The following BTBD9 variants were observed in gnomAD, a reference collection of about 807,000 sequenced individuals.
BTBD9 encodes BTB domain containing 9, also known as BTB/POZ domain-containing protein 9.
A neutral mutation model predicts 64.3 loss-of-function variants in BTBD9; 49 were observed. That is an observed-to-expected ratio of 0.76 (90% CI 0.61 to 0.97). BTBD9 has a LOEUF of 0.97. Among genes scored for constraint, BTBD9 ranks in the 50% least tolerant of loss-of-function variants. The pLI, the probability that BTBD9 is intolerant of heterozygous loss-of-function variation, is 0.00. For synonymous variants in BTBD9, 260 were observed against 274.7 expected (o/e 0.95, Z 0.53); for missense variants, 598 against 762.1 (o/e 0.78, Z 2.53).
chr6:38,538,394 G>A (rs1464596196), intron 6 of BTBD9, among the ~76,000 whole-genome samples: 1 of 152,110 alleles, frequency 6.6e-6, no homozygotes, highest in Admixed American at 6.5e-5. Context: ...GGGAGTGGGA[G>A]GAGTAGGAGA....
chr6:38,419,493 T>TC (rs1767811844), intron 6 of BTBD9, among the ~76,000 whole-genome samples: 1 of 152,042 alleles, frequency 6.6e-6, no homozygotes, highest in South Asian at 2.1e-4. Flanking sequence ...TTAAAATACA[T>TC]TGTGATTAAA....
chr6:38,322,896 G>A (rs1032877004), intron 7 of BTBD9, among the ~76,000 whole-genome samples: 1 of 152,092 alleles, frequency 6.6e-6, no homozygotes, highest in African/African-American at 2.4e-5. Flanking sequence ...GTTACTGTCT[G>A]ATAAATAATC....
intron 6 of BTBD9, among the ~76,000 whole-genome samples, chr6:38,374,296 T>TATATATATATATATATATATACAC (rs1491482634): frequency 1.4e-5 from 1 of 70,664 alleles, no homozygotes; most frequent in Non-Finnish European, 2.4e-5. Context: ...TATATATATA[T>TATATATATATATATATATATACAC]GTATATATAT....
rs545760758 is a variant in BTBD9, at chr6:38,484,203, C to T, written c.1154+93397G>A. ...AAGGTGAGACATAATAACTAGTGCA[C>T]AGGGAAATCAGACCTATGAAACTAG... On this transcript the variant is annotated intron_variant, in intron 6 of 10. Transcript: ENST00000481247. 2.0e-5 allele frequency among the ~76,000 whole-genome samples: 3 copies of T among 152,268 alleles called. No homozygotes were observed. In the South Asian group the frequency reaches 6.2e-4, roughly 32 times the overall value.
intron 7 of BTBD9, among the ~76,000 whole-genome samples, chr6:38,326,455 G>T (rs1232262928): frequency 6.6e-6 from 1 of 152,116 alleles, no homozygotes; most frequent in Admixed American, 6.6e-5. Context: ...ACGCTGGGGG[G>T]AGCGTGGAGA....
chr6:38,361,433 T>C (rs191281338), intron 6 of BTBD9, among the ~76,000 whole-genome samples: 2 of 152,112 alleles, frequency 1.3e-5, no homozygotes, highest in Admixed American at 1.3e-4. Context: ...GCTATAGTCC[T>C]AGCTACTGGA....
At chr6:38,254,170 A>G (rs1296407383) in intron 9 of BTBD9, among the ~76,000 whole-genome samples, 2 of 151,662 alleles carry the variant, frequency 1.3e-5, no homozygotes, top group African/African-American at 4.9e-5. Context: ...ACAACAAGAA[A>G]GAAGCTGCCT....
intron 6 of BTBD9, among the ~76,000 whole-genome samples, chr6:38,403,881 G>A (rs1767055377): frequency 6.6e-6 from 1 of 152,120 alleles, no homozygotes; most frequent in Non-Finnish European, 1.5e-5. Flanking sequence ...TTCATACAAT[G>A]GAACATTATT....
chr6:38,214,604 T>C (rs1382095112), intron 9 of BTBD9, among the ~76,000 whole-genome samples: 1 of 152,154 alleles, frequency 6.6e-6, no homozygotes, highest in African/African-American at 2.4e-5. Context: ...AGGAGGAGGC[T>C]GCAAGGGAGG....
intron 7 of BTBD9, among the ~76,000 whole-genome samples, chr6:38,334,949 C>A (rs1047176835): frequency 6.6e-6 from 1 of 152,064 alleles, no homozygotes; most frequent in Non-Finnish European, 1.5e-5. Flanking sequence ...GTAATCCCCA[C>A]GTGTTGAGGG....
chr6:38,576,600 G>A (rs1436747708), intron 6 of BTBD9, among the ~76,000 whole-genome samples: 1 of 152,096 alleles, frequency 6.6e-6, no homozygotes, highest in African/African-American at 2.4e-5. Flanking sequence ...AAGTGCTGTG[G>A]TGCCTTCCCA....
chr6:38,339,101 T>A (rs1015076265), intron 7 of BTBD9, among the ~76,000 whole-genome samples: 1 of 152,092 alleles, frequency 6.6e-6, no homozygotes, highest in Admixed American at 6.6e-5. Context: ...GATCATACAA[T>A]CCCTTCTCTA....
chr6:38,378,432 C>T (rs910362655), intron 6 of BTBD9, among the ~76,000 whole-genome samples: 3 of 151,314 alleles, frequency 2.0e-5, no homozygotes, highest in Non-Finnish European at 3.0e-5. Flanking sequence ...TTAGTAGAGA[C>T]GGGGTTTCAC....
chr6:38,477,980 C>A (rs964019311), intron 6 of BTBD9, among the ~76,000 whole-genome samples: 1 of 152,168 alleles, frequency 6.6e-6, no homozygotes, highest in African/African-American at 2.4e-5. Context: ...AACGGTGCAA[C>A]CTCTCTGGGC....
At chr6:38,199,321 G>A in intron 9 of BTBD9, among the ~76,000 whole-genome samples, 1 of 151,642 alleles carries the variant, frequency 6.6e-6, no homozygotes, top group East Asian at 1.9e-4. Flanking sequence ...GCAGGAGACT[G>A]GAGAGTCCCT....
chr6:38,383,801 G>A (rs140475091), intron 6 of BTBD9, among the ~76,000 whole-genome samples: 221 of 152,320 alleles, frequency 1.5e-3, no homozygotes, highest in African/African-American at 5.1e-3. Context: ...CATTGCTATA[G>A]ATTGAATGTT....
At chr6:38,397,887 C>T (rs1309456322) in intron 6 of BTBD9, among the ~76,000 whole-genome samples, 1 of 152,126 alleles carries the variant, frequency 6.6e-6, no homozygotes, top group Non-Finnish European at 1.5e-5. Flanking sequence ...GTGGAGGAAA[C>T]GTCAAGTGCA....
At chr6:38,449,920 A>T (rs568455235) in intron 6 of BTBD9, among the ~76,000 whole-genome samples, 3 of 152,204 alleles carry the variant, frequency 2.0e-5, no homozygotes, top group Non-Finnish European at 4.4e-5. Context: ...AAGGTAAATA[A>T]ATATAGACAA....
intron 6 of BTBD9, among the ~76,000 whole-genome samples, chr6:38,498,171 T>C (rs1223739929): frequency 6.6e-6 from 1 of 152,192 alleles, no homozygotes; most frequent in Non-Finnish European, 1.5e-5. Flanking sequence ...CTGTACAAAT[T>C]CAGCTGCCTG....
Sources: gnomAD v4.1 joint callset for allele counts (sites outside exome capture counted in the v4.1 genomes callset) on GRCh38, gnomAD v4.1.1 for gene constraint, MANE v1.5 for transcripts, NCBI Gene and HGNC (gene_info 2026-07-23, HGNC 2026-07-21) for gene names.